The following GDF1 variants were observed in gnomAD, a reference collection of about 807,000 sequenced individuals.
GDF1 encodes the protein growth differentiation factor 1.
GDF1 carries 8 observed loss-of-function variants against 7.4 expected under a neutral mutation model. The observed-to-expected ratio is 1.09, with a 90% confidence interval of 0.64 to 1.96. The LOEUF (loss-of-function observed/expected upper bound fraction) is 1.96, where lower values mean the gene tolerates loss of function less well. Ranked by LOEUF, GDF1 falls within the 30% of genes most tolerant of loss-of-function variation. The probability of loss-of-function intolerance (pLI) is 0.00; values close to 1 mark genes in which losing one functional copy is unlikely to be tolerated. For missense variants in GDF1, 574 were observed against 551.5 expected, an observed-to-expected ratio of 1.04 and a Z score of -0.41; for synonymous variants, 311 against 276.7, an observed-to-expected ratio of 1.12 and a Z score of -1.23.
chr19:18,876,536 TTGTGTGTGTG>T (rs60266196), intron 6 of GDF1, among the ~76,000 whole-genome samples: 12 of 143,180 alleles, frequency 8.4e-5, no homozygotes, highest in African/African-American at 3.1e-4. Context: ...TTTGATTGGG[TTGTGTGTGTG>T]TGTGTGTGTG....
At chr19:18,891,772 T>C (rs1292242040) in intron 2 of GDF1, among the ~76,000 whole-genome samples, 1 of 151,598 alleles carries the variant, frequency 6.6e-6, no homozygotes, top group East Asian at 1.9e-4. Flanking sequence ...GGTCTTACCA[T>C]GTTGCCCCAG....
rs2055910465 is a variant in GDF1, at chr19:18,869,088, G to A, written c.628C>T (p.Pro210Ser). ...GAAWARNASWPRSLRLALALR... is the reference protein window; with the variant it reads ...GAAWARNASWSRSLRLALALR... ...GCCAGCGCCAGGCGGAGGCTGCGCG[G>A]CCATGAGGCGTTGCGAGCCCAAGCG... The change falls in exon 8 of 8, where the codon CCG (proline) becomes TCG (serine). Residue 210 changes from proline to serine, a missense_variant. Physicochemically the swap from Pro to Ser is moderately conservative, Grantham distance 74. Coordinates refer to ENST00000247005, the MANE Select transcript of GDF1 (RefSeq NM_001492.6). The A allele has an allele frequency of 4.7e-6, 5 of 1,073,388 alleles. No individual in the cohort carries two copies. Among genetic ancestry groups the A allele is most frequent in the East Asian group, 7.3e-5 (1 of 13,756 alleles). 66.5% of individuals were successfully genotyped at this position (1,073,388 alleles called of 1,614,324 possible). A position where few individuals can be genotyped will look rare whatever the true frequency, so the allele number is the denominator to read the frequency against.
At chr19:18,882,207 G>A (rs765792274) in intron 3 of GDF1, 23 of 154,426 alleles carry the variant, frequency 1.5e-4, no homozygotes, top group Admixed American at 1.0e-3. Context: ...TTGAATTATA[G>A]AACTTTCTAG....
Position 18,868,747 on chromosome 19 carries a change from G to T in GDF1, c.969C>A (p.Leu323=). Residue 323 remains leucine (L), a synonymous_variant, in exon 8 of 8, where the codon CTC becomes CTA. Transcript: ENST00000247005. ...PALNHAVLRA[L]MHAAAPGAAD... ...CGGCTCCCGGGGCGGCCGCGTGCAT[G>T]AGCGCGCGCAGCACAGCGTGGTTGA... is the stretch of plus-strand genomic sequence containing the variant. 1 of 1,522,896 alleles carries T rather than the reference G, an allele frequency of 6.6e-7. No homozygotes were observed. The highest frequency in any genetic ancestry group is 1.2e-5 in the South Asian group (1 of 83,304). The allele number at this position is 1,522,896 out of a possible 1,614,324, so 94.3% of individuals were successfully genotyped here.
At position 18,870,123 on chromosome 19, in the gene GDF1, A is replaced by G. The variant is rs934696667; in HGVS notation, c.185T>C (p.Met62Thr). 2.6e-6 allele frequency: 4 copies of G among 1,567,588 alleles called. No homozygotes were observed. The highest frequency in any genetic ancestry group is 1.8e-5 in the Admixed American group (1 of 55,076). ...APRLRPVPPVMWRLFRRRDPQ... is the reference protein window; with the variant it reads ...APRLRPVPPVTWRLFRRRDPQ... ...GTCCCGGCGTCGAAACAGGCGCCAC[A>G]TGACCGGGGGAACCGGCCGGAGCCT... Residue 62 changes from methionine to threonine, a missense_variant, in exon 7 of 8, where the codon ATG (methionine) becomes ACG (threonine). By Grantham distance (81) the Met-to-Thr change is moderately conservative (BLOSUM62 -1). Transcript: ENST00000247005. This position sits in a 1 kb window ranked among gnomAD's most constrained non-coding sequence, Gnocchi z 5.1.
chr19:18,885,321 C>T (rs2056321883), intron 2 of GDF1, among the ~76,000 whole-genome samples: 1 of 151,856 alleles, frequency 6.6e-6, no homozygotes, highest in Admixed American at 6.6e-5. Flanking sequence ...CCACCTCAGC[C>T]TCCTGAGTAG....
chr19:18,869,488 G>T lies in GDF1; in HGVS notation c.326-98C>A, dbSNP rs1017324676. ...GGGAGGAAGGTGAACGCTGGGGCTC[G>T]GGGCGCACCGTCTGTGGGAAGGGTG... is the stretch of plus-strand genomic sequence containing the variant. On this transcript the variant is annotated intron_variant, in intron 7 of 7. Coordinates refer to ENST00000247005, the MANE Select transcript of GDF1 (RefSeq NM_001492.6). The T allele has an allele frequency of 1.6e-5, 23 of 1,432,284 alleles. 1 individual carries two copies. Among genetic ancestry groups the T allele is most frequent in the Non-Finnish European group, 1.8e-5 (20 of 1,086,730 alleles). The allele number at this position is 1,432,284 out of a possible 1,614,324, so 88.7% of individuals were successfully genotyped here.
intron 7 of GDF1, 80 bp from the exon 8 acceptor site, chr19:18,869,470 A>C: frequency 1.4e-6 from 2 of 1,391,662 alleles, no homozygotes; most frequent in Non-Finnish European, 1.9e-6. Context: ...ACAGGGAGGA[A>C]GGTGAACGCT....
intron 2 of GDF1, among the ~76,000 whole-genome samples, chr19:18,886,171 C>T (rs552806501): frequency 3.3e-5 from 5 of 150,732 alleles, no homozygotes; most frequent in Non-Finnish European, 7.4e-5. Context: ...TTTGAGAGGC[C>T]GAGGCAGGAG....
chr19:18,895,388 C>T lies in GDF1; in HGVS notation c.-1074+436G>A, dbSNP rs1475119425. Among the ~76,000 whole-genome samples, 1 of 152,136 alleles carries T rather than the reference C, an allele frequency of 6.6e-6. No individual in the cohort carries two copies. Among genetic ancestry groups the T allele is most frequent in the African/African-American group, 2.4e-5 (1 of 41,436 alleles). The stretch of plus-strand genomic sequence containing the variant: ...CGCGGTGCGCCGAGCCCTCCCGTTC[C>T]CGGTCCTGGGCTTCTCAGTGTCTGG... On this transcript the variant is annotated intron_variant, in intron 1 of 7. Transcript: ENST00000247005. This position sits in a 1 kb window ranked among gnomAD's most constrained non-coding sequence, Gnocchi z 6.4.
chr19:18,871,101 T>G (rs933536736), intron 6 of GDF1, among the ~76,000 whole-genome samples: 1 of 151,826 alleles, frequency 6.6e-6, no homozygotes, highest in Non-Finnish European at 1.5e-5. Flanking sequence ...TTCCTTTTTT[T>G]TTTTTGGTCT....
At chr19:18,893,355 C>T (rs1294700995) in intron 2 of GDF1, 61 bp downstream of exon 2, 2 of 1,520,370 alleles carry the variant, frequency 1.3e-6, no homozygotes, top group Admixed American at 4.1e-5. Flanking sequence ...GCTGGGACCA[C>T]AAGCCTGGCG....
At chr19:18,885,522 T>TTTG (rs890215539) in intron 2 of GDF1, among the ~76,000 whole-genome samples, 4 of 138,308 alleles carry the variant, frequency 2.9e-5, no homozygotes, top group African/African-American at 5.5e-5. Flanking sequence ...TTTTTTTTTT[T>TTTG]TTTTTTTTTT....
In GDF1 at chr19:18,868,976, G is replaced by A. The variant is rs1184350399; in HGVS notation, c.740C>T (p.Pro247Leu). ...GGCGTCGCGCCGCGGCCGGGCCAGG[G>A]GGTGGCACAGGCGCGGGTCGAGGGT... ...LVTLDPRLCH[P>L]LARPRRDAEP... The change falls in exon 8 of 8, where the codon CCC becomes CTC. Residue 247 changes from proline to leucine, a missense_variant. Transcript: ENST00000247005. The A allele has an allele frequency of 1.8e-6, 2 of 1,140,028 alleles. No homozygotes were observed. The highest frequency in any genetic ancestry group is 2.2e-6 in the Non-Finnish European group (2 of 929,522). 70.6% of individuals were successfully genotyped at this position (1,140,028 alleles called of 1,614,324 possible).
chr19:18,877,606 G>T (rs1000292527), intron 6 of GDF1, among the ~76,000 whole-genome samples: 1 of 151,990 alleles, frequency 6.6e-6, no homozygotes, highest in Non-Finnish European at 1.5e-5. Context: ...ACAAAAGTTA[G>T]CACAGCATGG....
intron 2 of GDF1, among the ~76,000 whole-genome samples, chr19:18,892,830 AGG>A (rs1452071421): frequency 6.6e-6 from 1 of 152,104 alleles, no homozygotes; most frequent in Non-Finnish European, 1.5e-5. Flanking sequence ...TCCTGTCCCC[AGG>A]GATCACCTTT....
intron 6 of GDF1, among the ~76,000 whole-genome samples, chr19:18,871,715 C>G (rs563480500): frequency 3.5e-4 from 53 of 152,332 alleles, no homozygotes; most frequent in African/African-American, 1.2e-3. Context: ...CATTTCACAG[C>G]CAACTGGCTG....
rs754503898 is a variant in GDF1 at position 18,879,295 on chromosome 19, G to C, written c.-477C>G. 1 of 1,613,270 alleles carries C rather than the reference G, an allele frequency of 6.2e-7. No individual in the cohort carries two copies. Among genetic ancestry groups the C allele is most frequent in the East Asian group, 2.2e-5 (1 of 44,874 alleles). On this transcript the variant is annotated 5_prime_UTR_variant, in exon 5 of 8. Coordinates refer to ENST00000247005, the MANE Select transcript of GDF1 (RefSeq NM_001492.6). ...GCAGCAGCAGGAGCGCATTGAAGAAGAAGTAGAAGGGGATGTCAGGCACCG... is the reference window on the plus strand; with the variant it reads ...GCAGCAGCAGGAGCGCATTGAAGAACAAGTAGAAGGGGATGTCAGGCACCG...
chr19:18,879,378 G>A lies in GDF1; in HGVS notation c.-560C>T, dbSNP rs1375601977. 3.8e-6 allele frequency: 6 copies of A among 1,568,258 alleles called. No homozygotes were observed. The highest frequency in any genetic ancestry group is 1.4e-5 in the African/African-American group (1 of 73,800). ...ACCTTGAGCGGGAACCAGTAGAGGC[G>A]GAACCAGAACCTGCGGTGGGAGGAG... On this transcript the variant is annotated 5_prime_UTR_variant, in exon 5 of 8. Transcript: ENST00000247005.
Sources: allele counts gnomAD v4.1 joint callset (sites outside exome capture counted in the v4.1 genomes callset), GRCh38; gene constraint gnomAD v4.1.1; non-coding constraint Gnocchi (gnomAD v3.1); transcripts MANE v1.5; gene names NCBI Gene and HGNC (gene_info 2026-07-23, HGNC 2026-07-21).